Variants in ST6GALNAC5 observed in about 807,000 individuals in gnomAD.
ST6GALNAC5 encodes the protein ST6 N-acetylgalactosaminide alpha-2,6-sialyltransferase 5, also known as alpha-N-acetylgalactosaminide alpha-2,6-sialyltransferase 5.
ST6GALNAC5 carries 27 observed loss-of-function variants against 33.6 expected under a neutral mutation model. The ratio of observed to expected loss-of-function variants is 0.80; its 90% CI spans 0.59 to 1.11. ST6GALNAC5 has a LOEUF of 1.11. ST6GALNAC5 is among the 50% of genes least tolerant of loss of function. The pLI is 0.00. For missense variants in ST6GALNAC5, 428 were observed against 454.0 expected, an observed-to-expected ratio of 0.94 and a Z score of 0.52; for synonymous variants, 194 against 171.2, an observed-to-expected ratio of 1.13 and a Z score of -1.04.
intron 2 of ST6GALNAC5, among the ~76,000 whole-genome samples, chr1:77,022,875 T>C (rs1430267589): frequency 6.6e-6 from 1 of 152,208 alleles, no homozygotes. Flanking sequence ...TATATATTTC[T>C]TGGCAAATTT....
At chr1:76,940,685 C>T (rs1279840852) in intron 2 of ST6GALNAC5, among the ~76,000 whole-genome samples, 1 of 152,024 alleles carries the variant, frequency 6.6e-6, no homozygotes, top group African/African-American at 2.4e-5. Context: ...CTGGACCCCA[C>T]CCTGCCTCTC....
chr1:76,964,539 G>A (rs962980747), intron 2 of ST6GALNAC5, among the ~76,000 whole-genome samples: 13 of 151,944 alleles, frequency 8.6e-5, no homozygotes, highest in East Asian at 1.9e-4. Context: ...TTTTCATAAC[G>A]TGACTGCCTA....
In ST6GALNAC5 at chr1:76,975,237, A is replaced by T. The variant is rs944897858; in HGVS notation, c.262-68967A>T. 7.9e-5 allele frequency among the ~76,000 whole-genome samples: 12 copies of T among 152,330 alleles called. No individual in the cohort carries two copies. The South Asian group carries it at 2.5e-3, about 32-fold the overall frequency. ...GATAGAAGTAGATACATTATCCCAT[A>T]GTTAAGCTACTATTCATTGATGATT... On this transcript the variant is annotated intron_variant, in intron 2 of 4. Transcript: ENST00000477717.
chr1:76,877,105 G>A (rs1160888355), intron 2 of ST6GALNAC5, among the ~76,000 whole-genome samples: 1 of 152,184 alleles, frequency 6.6e-6, no homozygotes, highest in Non-Finnish European at 1.5e-5. Flanking sequence ...TTTGCATGGT[G>A]ACTTGATGAC....
intron 4 of ST6GALNAC5, among the ~76,000 whole-genome samples, chr1:77,060,470 G>A (rs1652538955): frequency 6.6e-6 from 1 of 152,172 alleles, no homozygotes; most frequent in East Asian, 1.9e-4. Context: ...AGTGAATTTA[G>A]TGAATTCCAG....
At chr1:77,009,164 T>C (rs1039132332) in intron 2 of ST6GALNAC5, among the ~76,000 whole-genome samples, 6 of 152,128 alleles carry the variant, frequency 3.9e-5, no homozygotes, top group Non-Finnish European at 5.9e-5. Flanking sequence ...TTTAGAGGTG[T>C]TAGAGAGCCC....
intron 2 of ST6GALNAC5, among the ~76,000 whole-genome samples, chr1:76,944,687 A>G (rs1381239176): frequency 1.3e-5 from 2 of 152,122 alleles, no homozygotes; most frequent in African/African-American, 2.4e-5. Flanking sequence ...CACATTGTCT[A>G]TAAAGCAGCT....
At chr1:76,922,636 A>G (rs989682639) in intron 2 of ST6GALNAC5, among the ~76,000 whole-genome samples, 1 of 152,196 alleles carries the variant, frequency 6.6e-6, no homozygotes, top group African/African-American at 2.4e-5. Flanking sequence ...GTATAGACAC[A>G]TTGATCAATA....
At chr1:76,896,747 A>G (rs1654148773) in intron 2 of ST6GALNAC5, among the ~76,000 whole-genome samples, 1 of 152,192 alleles carries the variant, frequency 6.6e-6, no homozygotes, top group South Asian at 2.1e-4. Flanking sequence ...TATATGCATC[A>G]GGTATGAGGA....
intron 2 of ST6GALNAC5, among the ~76,000 whole-genome samples, chr1:76,966,566 T>G (rs1648491098): frequency 6.6e-6 from 1 of 152,238 alleles, no homozygotes; most frequent in Non-Finnish European, 1.5e-5. Context: ...TGACTTCCTC[T>G]TTTCCTAATT....
intron 2 of ST6GALNAC5, among the ~76,000 whole-genome samples, chr1:77,041,576 A>C (rs971022654): frequency 6.6e-6 from 1 of 152,202 alleles, no homozygotes; most frequent in Non-Finnish European, 1.5e-5. Flanking sequence ...AGGAAAGTTA[A>C]GCATTTCCTC....
chr1:77,015,084 C>CAA (rs1650777768), intron 2 of ST6GALNAC5, among the ~76,000 whole-genome samples: 2 of 114,794 alleles, frequency 1.7e-5, no homozygotes, highest in Non-Finnish European at 1.7e-5. Flanking sequence ...CACACACACA[C>CAA]ACATGGAGCT....
intron 2 of ST6GALNAC5, among the ~76,000 whole-genome samples, chr1:76,943,454 C>G (rs76932387): frequency 5.8e-4 from 88 of 152,154 alleles, no homozygotes; most frequent in African/African-American, 2.1e-3. Flanking sequence ...TCTCTCTACT[C>G]TGAGCCATGT....
chr1:76,869,754 G>T (rs1653454858), intron 2 of ST6GALNAC5, among the ~76,000 whole-genome samples: 1 of 152,152 alleles, frequency 6.6e-6, no homozygotes, highest in South Asian at 2.1e-4. Context: ...CCACACACCT[G>T]TTTAATGCAT....
chr1:76,905,331 A>C (rs991266054), intron 2 of ST6GALNAC5, among the ~76,000 whole-genome samples: 1 of 152,086 alleles, frequency 6.6e-6, no homozygotes, highest in African/African-American at 2.4e-5. Flanking sequence ...TTTCATTCTT[A>C]TTGTCTTGGA....
At chr1:76,962,462 T>G (rs1039537589) in intron 2 of ST6GALNAC5, among the ~76,000 whole-genome samples, 13 of 152,242 alleles carry the variant, frequency 8.5e-5, no homozygotes, top group Admixed American at 7.9e-4. Context: ...TAATGTCACC[T>G]GCTTTCATTT....
At chr1:76,952,258 G>A (rs538485931) in intron 2 of ST6GALNAC5, among the ~76,000 whole-genome samples, 4 of 152,136 alleles carry the variant, frequency 2.6e-5, no homozygotes, top group Admixed American at 6.6e-5. Context: ...GAGAGGTACC[G>A]TAGCAGGCCT....
intron 2 of ST6GALNAC5, among the ~76,000 whole-genome samples, chr1:77,024,943 C>G (rs1351997791): frequency 6.6e-6 from 1 of 152,198 alleles, no homozygotes; most frequent in South Asian, 2.1e-4. Context: ...GACAGGTCCT[C>G]TTTCTTGCCT....
chr1:76,963,738 CCA>C lies in ST6GALNAC5; in HGVS notation c.262-80465_262-80464del, dbSNP rs140983200. Among the ~76,000 whole-genome samples the C allele has an allele frequency of 2.0e-5, 3 of 152,238 alleles. No individual in the cohort carries two copies. The East Asian group carries it at 5.8e-4, about 29-fold the overall frequency. ...CACAAAGATATCCATGTCCTAATCCCCAGAACCTTTAAATGTGTTACCTTACC... is the reference window on the plus strand; with the variant it reads ...CACAAAGATATCCATGTCCTAATCCCGAACCTTTAAATGTGTTACCTTACC... On this transcript the variant is annotated intron_variant, in intron 2 of 4. Transcript: ENST00000477717.
Sources: allele counts gnomAD v4.1 joint callset (sites outside exome capture counted in the v4.1 genomes callset), GRCh38; gene constraint gnomAD v4.1.1; transcripts MANE v1.5; gene names NCBI Gene and HGNC (gene_info 2026-07-23, HGNC 2026-07-21).